The following CCSER1 variants were observed in gnomAD, a reference collection of about 807,000 sequenced individuals.
CCSER1 encodes coiled-coil serine rich protein 1.
In CCSER1, 41 loss-of-function variants were observed where a neutral mutation model predicts 82.0. The ratio of observed to expected loss-of-function variants is 0.50; its 90% confidence interval spans 0.39 to 0.65. CCSER1 has a LOEUF of 0.65. Ranked by LOEUF, CCSER1 falls within the 30% of genes least tolerant of loss-of-function variation. CCSER1 has a pLI of 0.00. For synonymous variants in CCSER1, 414 were observed against 383.9 expected (o/e 1.08, Z -0.92); for missense variants, 1,119 against 1,064.2 (o/e 1.05, Z -0.72).
intron 5 of CCSER1, among the ~76,000 whole-genome samples, chr4:90,498,977 T>C (rs1375972031): frequency 6.6e-6 from 1 of 152,152 alleles, no homozygotes; most frequent in Non-Finnish European, 1.5e-5. Context: ...TTAAAAAATC[T>C]CTCTGCAATT....
At chr4:91,511,572 G>T (rs1445488504) in intron 10 of CCSER1, among the ~76,000 whole-genome samples, 1 of 152,144 alleles carries the variant, frequency 6.6e-6, no homozygotes, top group Non-Finnish European at 1.5e-5. Context: ...TGTTTTTACA[G>T]CCACTACGCA....
intron 10 of CCSER1, among the ~76,000 whole-genome samples, chr4:91,446,676 A>ATATATATATATAT (rs376326688): frequency 6.3e-5 from 9 of 142,542 alleles, no homozygotes; most frequent in African/African-American, 1.5e-4. Context: ...TAAATAAATA[A>ATATATATATATAT]ATATATATAT....
At chr4:90,430,259 A>G (rs536873197) in intron 4 of CCSER1, among the ~76,000 whole-genome samples, 2 of 152,006 alleles carry the variant, frequency 1.3e-5, no homozygotes. Context: ...TAACATTTGA[A>G]TTTCTATTTC....
At chr4:90,796,086 A>G (rs778565670) in intron 7 of CCSER1, among the ~76,000 whole-genome samples, 19 of 152,064 alleles carry the variant, frequency 1.2e-4, no homozygotes, top group Middle Eastern at 3.2e-3. Flanking sequence ...CTTCCTGTAC[A>G]TCTAGTGGAA....
At chr4:90,852,787 A>G (rs754262448) in intron 8 of CCSER1, among the ~76,000 whole-genome samples, 5 of 152,222 alleles carry the variant, frequency 3.3e-5, no homozygotes, top group Non-Finnish European at 4.4e-5. Flanking sequence ...AATTAATTGT[A>G]TCTTTGCTTT....
At chr4:91,589,176 G>T (rs1764148287) in intron 10 of CCSER1, among the ~76,000 whole-genome samples, 1 of 151,602 alleles carries the variant, frequency 6.6e-6, no homozygotes, top group Admixed American at 6.6e-5. Context: ...TCACTTCCTT[G>T]CTCATATTAT....
Position 91,105,118 on chromosome 4 carries a change from C to G in CCSER1, c.2217+19124C>G, listed in dbSNP as rs1725472029. On this transcript the variant is annotated intron_variant, in intron 10 of 10. Coordinates refer to ENST00000509176, the MANE Select transcript of CCSER1 (RefSeq NM_001145065.2). The stretch of plus-strand genomic sequence containing the variant: ...CTCTTTACCTTCATATAGAGTTTAG[C>G]TCCCACTTATATGATAGAACATGAA... 3.3e-5 allele frequency among the ~76,000 whole-genome samples: 5 copies of G among 151,642 alleles called. No individual in the cohort carries two copies. The South Asian group carries it at 1.0e-3, about 31-fold the overall frequency.
At chr4:91,398,695 C>T (rs903523413) in intron 10 of CCSER1, among the ~76,000 whole-genome samples, 2 of 151,468 alleles carry the variant, frequency 1.3e-5, no homozygotes, top group East Asian at 1.9e-4. Context: ...CAGTGCTAAA[C>T]GAAGTTCTGG....
At chr4:90,131,947 C>G (rs1722896110) in intron 1 of CCSER1, among the ~76,000 whole-genome samples, 1 of 152,046 alleles carries the variant, frequency 6.6e-6, no homozygotes, top group African/African-American at 2.4e-5. Flanking sequence ...TGACTTTGAG[C>G]CTGTACATTC....
chr4:90,223,122 A>G (rs1162230725), intron 1 of CCSER1, among the ~76,000 whole-genome samples: 2 of 152,122 alleles, frequency 1.3e-5, no homozygotes, highest in African/African-American at 4.8e-5. Flanking sequence ...CTGTTCCCCC[A>G]TTCCTAACCC....
At chr4:90,559,548 T>C (rs1778487952) in intron 5 of CCSER1, among the ~76,000 whole-genome samples, 2 of 151,972 alleles carry the variant, frequency 1.3e-5, no homozygotes, top group South Asian at 2.1e-4. Context: ...AGGCAGGACA[T>C]AGTGGCTCAC....
chr4:90,467,229 T>C (rs1248284906), intron 4 of CCSER1, among the ~76,000 whole-genome samples: 2 of 151,326 alleles, frequency 1.3e-5, no homozygotes, highest in Admixed American at 1.3e-4. Context: ...TACTAAAAAA[T>C]ACAAAAATTA....
At chr4:91,512,503 G>T (rs931917491) in intron 10 of CCSER1, among the ~76,000 whole-genome samples, 4 of 152,102 alleles carry the variant, frequency 2.6e-5, no homozygotes, top group Non-Finnish European at 2.9e-5. Flanking sequence ...TTTGGGACTC[G>T]GACTGATCCA....
At chr4:90,620,716 A>C (rs1296708204) in intron 5 of CCSER1, among the ~76,000 whole-genome samples, 2 of 152,224 alleles carry the variant, frequency 1.3e-5, no homozygotes, top group Admixed American at 1.3e-4. Context: ...CAGTAAAAAC[A>C]AAAAACCCAA....
At chr4:91,095,370 C>T (rs1176611465) in intron 10 of CCSER1, among the ~76,000 whole-genome samples, 2 of 152,158 alleles carry the variant, frequency 1.3e-5, no homozygotes, top group Non-Finnish European at 2.9e-5. Flanking sequence ...CCTCCTGGAA[C>T]CCCCCTTTCC....
intron 4 of CCSER1, among the ~76,000 whole-genome samples, chr4:90,459,083 A>G (rs1762541332): frequency 6.6e-6 from 1 of 152,214 alleles, no homozygotes; most frequent in African/African-American, 2.4e-5. Context: ...GTGTATCTAC[A>G]TATATAGATA....
chr4:91,098,672 G>A (rs1302741449), intron 10 of CCSER1, among the ~76,000 whole-genome samples: 1 of 151,948 alleles, frequency 6.6e-6, no homozygotes, highest in Non-Finnish European at 1.5e-5. Flanking sequence ...CTTCTGAGTA[G>A]CTGGGACTAC....
chr4:91,548,333 C>T (rs921839224), intron 10 of CCSER1, among the ~76,000 whole-genome samples: 4 of 152,068 alleles, frequency 2.6e-5, no homozygotes, highest in African/African-American at 9.7e-5. Flanking sequence ...TTTATTTATA[C>T]ACGGTCATAC....
intron 10 of CCSER1, among the ~76,000 whole-genome samples, chr4:91,410,645 A>G (rs758408117): frequency 1.9e-4 from 29 of 152,168 alleles, no homozygotes; most frequent in Non-Finnish European, 4.0e-4. Flanking sequence ...ATGGCAAAAC[A>G]TATTATGGCA....
Sources: allele counts gnomAD v4.1 joint callset (sites outside exome capture counted in the v4.1 genomes callset), GRCh38; gene constraint gnomAD v4.1.1; transcripts MANE v1.5; gene names NCBI Gene and HGNC (gene_info 2026-07-23, HGNC 2026-07-21).